Variants in PRKG1 observed in about 807,000 individuals in gnomAD.
PRKG1 encodes protein kinase cGMP-dependent 1.
In PRKG1, 35 loss-of-function variants were observed where a neutral mutation model predicts 88.1. The ratio of observed to expected loss-of-function variants is 0.40; its 90% CI spans 0.30 to 0.53. The LOEUF (loss-of-function observed/expected upper bound fraction) is 0.53. Among genes scored for constraint, PRKG1 ranks in the 20% least tolerant of loss-of-function variants. The probability of loss-of-function intolerance (pLI) is 0.59; values close to 1 mark genes in which losing one functional copy is unlikely to be tolerated. For missense variants in PRKG1, 540 were observed against 839.8 expected (o/e 0.64, Z 4.41); for synonymous variants, 303 against 292.5 (o/e 1.04, Z -0.37).
chr10:51,511,311 T>C (rs1025628849), intron 3 of PRKG1, among the ~76,000 whole-genome samples: 1 of 152,058 alleles, frequency 6.6e-6, no homozygotes, highest in East Asian at 1.9e-4. Context: ...ATTTTACTGA[T>C]CAAAAACACA....
At chr10:51,246,120 T>C (rs908895076) in intron 2 of PRKG1, among the ~76,000 whole-genome samples, 3 of 152,100 alleles carry the variant, frequency 2.0e-5, no homozygotes, top group African/African-American at 7.2e-5. Flanking sequence ...ACCATTCCAC[T>C]GTCCTTGAGA....
chr10:52,019,175 C>T (rs945605948), intron 5 of PRKG1, among the ~76,000 whole-genome samples: 1 of 151,992 alleles, frequency 6.6e-6, no homozygotes, highest in African/African-American at 2.4e-5. Context: ...AGTCACCCCA[C>T]GGAGGGAAGG....
chr10:51,735,883 ATATTTATT>A (rs1554836800), intron 3 of PRKG1, among the ~76,000 whole-genome samples: 3 of 102,850 alleles, frequency 2.9e-5, no homozygotes, highest in African/African-American at 1.3e-4. Context: ...ATATATATGT[ATATTTATT>A]TATTTATTTA....
rs115729247 is a variant in PRKG1 at position 51,049,202 on chromosome 10, G to C, written c.266+57558G>C. The stretch of plus-strand genomic sequence containing the variant: ...AGAATCCTGTGGCTGTGCTGAGTTT[G>C]AGCAGGTAGGGAAATGCTATTTTAC... On this transcript the variant is annotated intron_variant, in intron 1 of 17. Transcript: ENST00000401604. Among the ~76,000 whole-genome samples, 1,432 of 152,280 alleles carry C rather than the reference G, an allele frequency of 9.4e-3. 27 individuals are homozygous for C. Among genetic ancestry groups the C allele is most frequent in the African/African-American group, 0.032 (1,332 of 41,544 alleles).
chr10:51,561,104 G>T (rs10998130), intron 3 of PRKG1, among the ~76,000 whole-genome samples: 22,518 of 151,428 alleles, frequency 0.15, 1,841 homozygotes, highest in African/African-American at 0.22. Flanking sequence ...AAAAAGAAAA[G>T]AAAAGAAAAA....
At chr10:52,222,215 C>A (rs146472767) in intron 9 of PRKG1, among the ~76,000 whole-genome samples, 110 of 152,208 alleles carry the variant, frequency 7.2e-4, no homozygotes, top group East Asian at 2.9e-3. Flanking sequence ...AGTAGTTCAC[C>A]CATGGGAGCA....
intron 2 of PRKG1, among the ~76,000 whole-genome samples, chr10:51,374,480 T>G (rs1588892753): frequency 6.6e-6 from 1 of 152,080 alleles, no homozygotes; most frequent in Admixed American, 6.6e-5. Flanking sequence ...GATTAAGAGG[T>G]AAGGACTTTA....
intron 1 of PRKG1, among the ~76,000 whole-genome samples, chr10:51,015,218 C>T (rs553432646): frequency 6.6e-5 from 10 of 152,298 alleles, no homozygotes; most frequent in East Asian, 5.8e-4. Flanking sequence ...AATGTCCAGA[C>T]GCAGTTAATT....
rs1411655072 is a variant in PRKG1, at chr10:51,227,080, A to G, written c.478+73750A>G. Among the ~76,000 whole-genome samples, 6 of 151,816 alleles carry G rather than the reference A, an allele frequency of 4.0e-5. No homozygotes were observed. The South Asian group carries it at 1.2e-3, about 32-fold the overall frequency. ...GGAAATCTCTCACCTTTGAACTCTTACAGAACTTTAAGTCATTTAATAATT... is the reference window on the plus strand; with the variant it reads ...GGAAATCTCTCACCTTTGAACTCTTGCAGAACTTTAAGTCATTTAATAATT... On this transcript the variant is annotated intron_variant, in intron 2 of 17. Coordinates refer to ENST00000373980, the MANE Select transcript of PRKG1 (RefSeq NM_006258.4).
chr10:51,082,257 T>C (rs1327106344), intron 1 of PRKG1, among the ~76,000 whole-genome samples: 2 of 152,120 alleles, frequency 1.3e-5, no homozygotes, highest in Non-Finnish European at 2.9e-5. Context: ...CAAAGGGTCA[T>C]GGGGATTAGG....
At chr10:51,077,017 T>C (rs1413682625) in intron 1 of PRKG1, among the ~76,000 whole-genome samples, 2 of 152,152 alleles carry the variant, frequency 1.3e-5, no homozygotes, top group African/African-American at 4.8e-5. Context: ...ACATCTGTTC[T>C]TTTTTCACAC....
At chr10:51,945,308 G>A (rs1843000991) in intron 5 of PRKG1, among the ~76,000 whole-genome samples, 1 of 151,162 alleles carries the variant, frequency 6.6e-6, no homozygotes, top group Admixed American at 6.6e-5. Flanking sequence ...CATTTGCTTG[G>A]TAGATCTTCC....
At chr10:51,470,974 A>T (rs78669940) in intron 3 of PRKG1, among the ~76,000 whole-genome samples, 3,594 of 152,024 alleles carry the variant, frequency 0.024, 125 homozygotes, top group African/African-American at 0.078. Flanking sequence ...TAATATTTTT[A>T]AAAAATCAAA....
chr10:51,032,356 ATCT>A (rs1843294285), intron 1 of PRKG1, among the ~76,000 whole-genome samples: 3 of 147,844 alleles, frequency 2.0e-5, no homozygotes, highest in African/African-American at 7.4e-5. Flanking sequence ...TTCCTCTTTC[ATCT>A]TTTTTTTTTT....
intron 9 of PRKG1, among the ~76,000 whole-genome samples, chr10:52,244,864 AAAT>A (rs1465999575): frequency 2.1e-5 from 3 of 140,896 alleles, no homozygotes; most frequent in Non-Finnish European, 3.1e-5. Context: ...TTATATATTT[AAAT>A]ATTATAAAAT....
intron 2 of PRKG1, among the ~76,000 whole-genome samples, chr10:51,336,621 G>A (rs1841883189): frequency 6.6e-6 from 1 of 152,152 alleles, no homozygotes; most frequent in African/African-American, 2.4e-5. Flanking sequence ...ACCTGGCATA[G>A]AGAAATTGTT....
At chr10:51,631,210 T>G (rs1839517681) in intron 3 of PRKG1, among the ~76,000 whole-genome samples, 2 of 152,202 alleles carry the variant, frequency 1.3e-5, no homozygotes, top group African/African-American at 4.8e-5. Flanking sequence ...TCATTGGGTC[T>G]TTCCCCCTCT....
chr10:52,158,636 C>T (rs1359451079), intron 8 of PRKG1, among the ~76,000 whole-genome samples: 1 of 151,582 alleles, frequency 6.6e-6, no homozygotes, highest in Non-Finnish European at 1.5e-5. Context: ...TTTTCTTAAA[C>T]TTCCGGTTAT....
intron 7 of PRKG1, among the ~76,000 whole-genome samples, chr10:52,131,816 CAAAAAAAAAAAA>C (rs71459439): frequency 0.017 from 756 of 44,132 alleles, 6 homozygotes; most frequent in African/African-American, 0.055. Flanking sequence ...GAAACTCCAT[CAAAAAAAAAAAA>C]AAAAAAAAAA....
Sources: allele counts gnomAD v4.1 joint callset (sites outside exome capture counted in the v4.1 genomes callset), GRCh38; gene constraint gnomAD v4.1.1; transcripts MANE v1.5; gene names NCBI Gene and HGNC (gene_info 2026-07-23, HGNC 2026-07-21).